Variants in PPP3R1 observed in about 807,000 individuals in gnomAD.
PPP3R1 encodes the protein calcineurin subunit B type 1.
PPP3R1 carries 5 observed loss-of-function variants against 22.6 expected under a neutral mutation model. That is an observed-to-expected ratio of 0.22 (90% CI 0.12 to 0.46). PPP3R1 has a LOEUF of 0.46. Among genes scored for constraint, PPP3R1 ranks in the 20% least tolerant of loss-of-function variants. The pLI, the probability that PPP3R1 is intolerant of heterozygous loss-of-function variation, is 0.99. For missense variants in PPP3R1, 61 were observed against 203.2 expected (o/e 0.30, Z 4.25); for synonymous variants, 56 against 65.2 (o/e 0.86, Z 0.68).
At chr2:68,210,147 T>C (rs1669451306) in intron 2 of PPP3R1, among the ~76,000 whole-genome samples, 1 of 152,210 alleles carries the variant, frequency 6.6e-6, no homozygotes, top group African/African-American at 2.4e-5. Context: ...AGGTTCAGAA[T>C]GGTTGTGGCA....
chr2:68,204,417 A>C (rs1675065478), intron 2 of PPP3R1, among the ~76,000 whole-genome samples: 1 of 151,502 alleles, frequency 6.6e-6, no homozygotes, highest in South Asian at 2.1e-4. Context: ...TTATTCATGT[A>C]GACAATTATA....
intron 1 of PPP3R1, among the ~76,000 whole-genome samples, chr2:68,231,264 C>T (rs899111143): frequency 1.3e-5 from 2 of 152,230 alleles, no homozygotes; most frequent in South Asian, 4.1e-4. Flanking sequence ...TGCTATTAAG[C>T]CTACTCACTG....
intron 2 of PPP3R1, among the ~76,000 whole-genome samples, chr2:68,190,254 TTAAAAA>T (rs1279611521): frequency 4.7e-5 from 4 of 85,520 alleles, no homozygotes; most frequent in Non-Finnish European, 7.0e-5. Flanking sequence ...CAAGTTTCTC[TTAAAAA>T]AAAAAAAAAA....
intron 1 of PPP3R1, among the ~76,000 whole-genome samples, chr2:68,236,844 T>G (rs1558642988): frequency 1.3e-5 from 2 of 152,100 alleles, no homozygotes; most frequent in Non-Finnish European, 2.9e-5. Flanking sequence ...CAATGAGACC[T>G]AAGGAAAAAC....
chr2:68,208,069 C>T (rs1166174125), intron 2 of PPP3R1, among the ~76,000 whole-genome samples: 1 of 152,122 alleles, frequency 6.6e-6, no homozygotes, highest in East Asian at 1.9e-4. Context: ...GAGAGAACTG[C>T]TTAAACCCAG....
chr2:68,230,057 A>G (rs1558640631), intron 1 of PPP3R1, among the ~76,000 whole-genome samples: 2 of 151,382 alleles, frequency 1.3e-5, no homozygotes, highest in Admixed American at 6.6e-5. Context: ...TAGCGGCACA[A>G]TCTTGGCTCA....
intron 1 of PPP3R1, among the ~76,000 whole-genome samples, chr2:68,222,881 AAAAG>A (rs1669712806): frequency 6.6e-6 from 1 of 152,254 alleles, no homozygotes; most frequent in Non-Finnish European, 1.5e-5. Flanking sequence ...AATGAGAAAA[AAAAG>A]AAAGTAAATA....
intron 1 of PPP3R1, among the ~76,000 whole-genome samples, chr2:68,251,529 A>C (rs1670351656): frequency 6.6e-6 from 1 of 152,186 alleles, no homozygotes; most frequent in Admixed American, 6.5e-5. Context: ...GAAACCCCGC[A>C]GGGCTGCGCA....
intron 1 of PPP3R1, among the ~76,000 whole-genome samples, chr2:68,224,909 A>C (rs763980394): frequency 2.6e-5 from 4 of 152,248 alleles, no homozygotes; most frequent in Non-Finnish European, 5.9e-5. Flanking sequence ...AAAAGATATG[A>C]TTAACATCAA....
At chr2:68,193,288 A>C (rs889697899) in intron 2 of PPP3R1, among the ~76,000 whole-genome samples, 1 of 152,072 alleles carries the variant, frequency 6.6e-6, no homozygotes, top group African/African-American at 2.4e-5. Context: ...CACATACCCC[A>C]TGTAGCTAAA....
intron 1 of PPP3R1, among the ~76,000 whole-genome samples, chr2:68,224,174 ATGT>A (rs1019517641): frequency 6.4e-4 from 98 of 152,332 alleles, no homozygotes; most frequent in African/African-American, 2.2e-3. Flanking sequence ...AGAAGGCTCA[ATGT>A]TGTTAAGATG....
chr2:68,229,014 T>C (rs1234596000), intron 1 of PPP3R1, among the ~76,000 whole-genome samples: 1 of 152,038 alleles, frequency 6.6e-6, no homozygotes, highest in East Asian at 1.9e-4. Flanking sequence ...CCTTAAAATG[T>C]GTTTATGTTT....
intron 2 of PPP3R1, among the ~76,000 whole-genome samples, chr2:68,199,940 C>G (rs1381134916): frequency 6.6e-6 from 1 of 151,934 alleles, no homozygotes; most frequent in Non-Finnish European, 1.5e-5. Flanking sequence ...CAAGGTAATG[C>G]TAGCTTCTAT....
At chr2:68,183,617 C>T (rs954609528) in intron 5 of PPP3R1, among the ~76,000 whole-genome samples, 1 of 152,138 alleles carries the variant, frequency 6.6e-6, no homozygotes, top group African/African-American at 2.4e-5. Flanking sequence ...TTCCCAAGAG[C>T]TTTTTTATAT....
chr2:68,226,616 A>G lies in PPP3R1; in HGVS notation c.4-9485T>C, dbSNP rs551346718. Reference sequence around the variant, plus strand: ...TATTTACACTTACAGTAATCTTGACATTTATAATTCATCCCTTAGTCTCCT... The same window carrying G: ...TATTTACACTTACAGTAATCTTGACGTTTATAATTCATCCCTTAGTCTCCT... On this transcript the variant is annotated intron_variant, in intron 1 of 5. Transcript: ENST00000234310. Among the ~76,000 whole-genome samples the G allele has an allele frequency of 2.3e-4, 35 of 152,262 alleles. No individual in the cohort carries two copies. The South Asian group carries it at 7.2e-3, about 32-fold the overall frequency.
intron 2 of PPP3R1, among the ~76,000 whole-genome samples, chr2:68,198,062 CAAAA>C (rs199824687): frequency 9.3e-4 from 39 of 41,988 alleles, no homozygotes; most frequent in African/African-American, 2.6e-3. Context: ...GCACCTTTGG[CAAAA>C]AAAAAAAAAA....
intron 2 of PPP3R1, among the ~76,000 whole-genome samples, chr2:68,204,701 T>C (rs947043178): frequency 6.6e-6 from 1 of 152,238 alleles, no homozygotes; most frequent in Admixed American, 6.5e-5. Context: ...GTAAGCACCA[T>C]ACCATTATGG....
At chr2:68,199,434 C>T (rs1674910698) in intron 2 of PPP3R1, among the ~76,000 whole-genome samples, 1 of 152,132 alleles carries the variant, frequency 6.6e-6, no homozygotes, top group African/African-American at 2.4e-5. Flanking sequence ...CCTTCCTTTC[C>T]AATCTCAAGT....
intron 1 of PPP3R1, among the ~76,000 whole-genome samples, chr2:68,248,157 C>T (rs1670272903): frequency 6.6e-6 from 1 of 152,154 alleles, no homozygotes; most frequent in African/African-American, 2.4e-5. Flanking sequence ...TCTCATGCTT[C>T]CATGACTTCG....
Sources: allele counts gnomAD v4.1 joint callset (sites outside exome capture counted in the v4.1 genomes callset), GRCh38; gene constraint gnomAD v4.1.1; transcripts MANE v1.5; gene names NCBI Gene and HGNC (gene_info 2026-07-23, HGNC 2026-07-21).